PDE1C: variants seen among roughly 807,000 people sequenced by gnomAD.
PDE1C encodes dual specificity calcium/calmodulin-dependent 3',5'-cyclic nucleotide phosphodiesterase 1C.
Under a neutral mutation model 93.1 loss-of-function variants are expected in PDE1C, and 62 were observed. The observed-to-expected ratio is 0.67, with a 90% CI of 0.54 to 0.82. The LOEUF is 0.82. Among genes scored for constraint, PDE1C ranks in the 40% least tolerant of loss-of-function variants. PDE1C has a pLI of 0.00. For synonymous variants in PDE1C, 325 were observed against 310.1 expected (o/e 1.05, Z -0.50); for missense variants, 742 against 884.6 (o/e 0.84, Z 2.04).
intron 2 of PDE1C, among the ~76,000 whole-genome samples, chr7:31,899,464 C>CA (rs1436375471): frequency 6.6e-6 from 1 of 152,120 alleles, no homozygotes; most frequent in African/African-American, 2.4e-5. Context: ...TTCTACAACT[C>CA]AGTCTTGCCT....
intron 2 of PDE1C, among the ~76,000 whole-genome samples, chr7:31,992,537 C>G (rs113352245): frequency 6.6e-6 from 1 of 152,142 alleles, no homozygotes; most frequent in African/African-American, 2.4e-5. Context: ...AATGTGAATT[C>G]CCTTGATGTG....
the PDE1C span, among the ~76,000 whole-genome samples, chr7:31,701,049 T>C: frequency 6.6e-6 from 1 of 151,492 alleles, no homozygotes; most frequent in African/African-American, 2.5e-5. Context: ...ATTGAGGAGT[T>C]ACTTCGACTT....
intron 14 of PDE1C, among the ~76,000 whole-genome samples, chr7:31,817,153 T>C (rs1173540431): frequency 6.6e-6 from 1 of 152,062 alleles, no homozygotes; most frequent in Non-Finnish European, 1.5e-5. Flanking sequence ...AGCAGAGTAA[T>C]ATGCTGGAAT....
At chr7:31,685,835 AACCCTC>A in the PDE1C span, among the ~76,000 whole-genome samples, 1 of 152,204 alleles carries the variant, frequency 6.6e-6, no homozygotes, top group Non-Finnish European at 1.5e-5. Flanking sequence ...ACCTTTCAGC[AACCCTC>A]ATCTCTTCCC....
the PDE1C span, among the ~76,000 whole-genome samples, chr7:31,692,746 A>G: frequency 1.3e-5 from 2 of 152,144 alleles, no homozygotes; most frequent in Admixed American, 6.5e-5. Flanking sequence ...CATTAGACAG[A>G]GAGAGAGAAA....
chr7:31,818,372 C>A (rs894176222), intron 14 of PDE1C, among the ~76,000 whole-genome samples: 1 of 152,152 alleles, frequency 6.6e-6, no homozygotes, highest in African/African-American at 2.4e-5. Flanking sequence ...GGCTTTATCT[C>A]TTCCTTCTTC....
In PDE1C at chr7:32,320,622, T is replaced by TACACACAC. The variant is rs58913478; in HGVS notation, c.310+107192_310+107199dup. On this transcript the variant is annotated intron_variant, in intron 1 of 1. Transcript: ENST00000672256. Reference sequence around the variant, plus strand: ...CCCACCAGGTGCTTAGGCACACACATACACACACACACACACACACACACA... The same window carrying TACACACAC: ...CCCACCAGGTGCTTAGGCACACACATACACACACACACACACACACACACACACACACA... 1.9e-4 allele frequency among the ~76,000 whole-genome samples: 28 copies of TACACACAC among 149,658 alleles called. 1 individual carries two copies. The South Asian group carries it at 1.9e-3, about 10-fold the overall frequency.
the PDE1C span, among the ~76,000 whole-genome samples, chr7:31,738,124 G>T: frequency 6.6e-6 from 1 of 152,084 alleles, no homozygotes; most frequent in Non-Finnish European, 1.5e-5. Flanking sequence ...CTCCAGCCAC[G>T]CAGCCTAGCA....
chr7:31,767,958 G>T (rs1255143924), intron 17 of PDE1C, among the ~76,000 whole-genome samples: 1 of 152,166 alleles, frequency 6.6e-6, no homozygotes, highest in African/African-American at 2.4e-5. Context: ...ACATTGTGTG[G>T]GGGTTCAGTC....
the PDE1C span, among the ~76,000 whole-genome samples, chr7:31,720,169 CAAAAAAAAAAAAAAAAAA>C: frequency 2.0e-5 from 1 of 50,128 alleles, no homozygotes; most frequent in Non-Finnish European, 3.7e-5. Context: ...GACTCCGTCT[CAAAAAAAAAAAAAAAAAA>C]AAAAAAAAAA....
At chr7:31,757,207 C>T (rs974009019) in intron 17 of PDE1C, among the ~76,000 whole-genome samples, 3 of 152,158 alleles carry the variant, frequency 2.0e-5, no homozygotes, top group African/African-American at 7.2e-5. Context: ...GATATATTAT[C>T]TAACCTCATT....
chr7:32,341,176 T>A (rs1562682178), intron 1 of PDE1C, among the ~76,000 whole-genome samples: 3 of 107,952 alleles, frequency 2.8e-5, no homozygotes, highest in Non-Finnish European at 4.0e-5. Context: ...ATAAAGTCTT[T>A]TTTTTTTTTT....
chr7:31,889,900 T>A (rs1391939117), intron 2 of PDE1C, among the ~76,000 whole-genome samples: 1 of 152,234 alleles, frequency 6.6e-6, no homozygotes, highest in Non-Finnish European at 1.5e-5. Context: ...ATTCTTGGCC[T>A]TATAAATAAG....
At chr7:32,059,067 A>C (rs1584643611) in intron 1 of PDE1C, among the ~76,000 whole-genome samples, 1 of 152,244 alleles carries the variant, frequency 6.6e-6, no homozygotes, top group Admixed American at 6.5e-5. Flanking sequence ...TAGGTTTTCT[A>C]GTAGAGAAAA....
chr7:31,636,894 CCCGACAA>C, the PDE1C span, among the ~76,000 whole-genome samples: 1 of 119,372 alleles, frequency 8.4e-6, no homozygotes, highest in African/African-American at 3.2e-5. Context: ...CCTCCCCCCA[CCCGACAA>C]CAGTCCCTGG....
chr7:32,297,223 A>T (rs1490745760), intron 1 of PDE1C, among the ~76,000 whole-genome samples: 1 of 152,088 alleles, frequency 6.6e-6, no homozygotes, highest in African/African-American at 2.4e-5. Flanking sequence ...CTTTATTGAG[A>T]ACAAAAGAGG....
At chr7:32,055,891 T>C (rs1794014242) in intron 1 of PDE1C, among the ~76,000 whole-genome samples, 1 of 152,140 alleles carries the variant, frequency 6.6e-6, no homozygotes, top group African/African-American at 2.4e-5. Flanking sequence ...AGCTAAGTTT[T>C]GTATTTTTAG....
At chr7:31,869,692 T>A (rs1161709361) in intron 6 of PDE1C, among the ~76,000 whole-genome samples, 1 of 152,028 alleles carries the variant, frequency 6.6e-6, no homozygotes, top group East Asian at 1.9e-4. Flanking sequence ...CAGCACTCTA[T>A]CATAGCATCA....
At chr7:32,234,448 C>T (rs1562604079) in intron 1 of PDE1C, among the ~76,000 whole-genome samples, 1 of 151,824 alleles carries the variant, frequency 6.6e-6, no homozygotes, top group African/African-American at 2.4e-5. Context: ...AACACAGACC[C>T]TGCAGACATT....
Sources: gnomAD v4.1 joint callset for allele counts (sites outside exome capture counted in the v4.1 genomes callset) on GRCh38, gnomAD v4.1.1 for gene constraint, MANE v1.5 for transcripts, NCBI Gene and HGNC (gene_info 2026-07-23, HGNC 2026-07-21) for gene names.